Variants in KLHL1 observed in about 807,000 individuals in gnomAD.
KLHL1 encodes the protein kelch-like protein 1.
A neutral mutation model predicts 77.7 loss-of-function variants in KLHL1; 47 were observed. The observed-to-expected ratio is 0.60, with a 90% CI of 0.48 to 0.77. The LOEUF (loss-of-function observed/expected upper bound fraction) is 0.77. KLHL1 is among the 30% of genes least tolerant of loss of function. The pLI, the probability that KLHL1 is intolerant of heterozygous loss-of-function variation, is 0.00. For synonymous variants in KLHL1, 360 were observed against 325.2 expected (o/e 1.11, Z -1.15); for missense variants, 925 against 910.8 (o/e 1.02, Z -0.20).
chr13:69,817,489 C>T (rs1878166604), intron 6 of KLHL1, among the ~76,000 whole-genome samples: 1 of 152,338 alleles, frequency 6.6e-6, no homozygotes, highest in South Asian at 2.1e-4. Context: ...TTGAGATTTA[C>T]TCATTTTAAA....
chr13:70,107,816 C>T lies in KLHL1; in HGVS notation c.-117G>A. On this transcript the variant is annotated 5_prime_UTR_variant, in exon 1 of 11. Transcript: ENST00000377844. ...AAGAGGCGGGATGCGCCCTCTGCAC[C>T]CCTAGAGCCAGAAGACGCTAGGTGG... 3.9e-6 allele frequency: 3 copies of T among 760,742 alleles called. No homozygotes were observed. The highest frequency in any genetic ancestry group is 6.5e-5 in the Admixed American group (2 of 30,840). 47.1% of individuals were successfully genotyped at this position (760,742 alleles called of 1,614,324 possible).
chr13:69,797,067 A>T (rs1314142536), intron 6 of KLHL1, 105 bp from the exon 7 acceptor site: 2 of 889,054 alleles, frequency 2.2e-6, no homozygotes, highest in Non-Finnish European at 3.5e-6. Flanking sequence ...TGTCATATTC[A>T]TTTTTTTTAA....
chr13:69,887,108 T>A (rs113492130), intron 4 of KLHL1, among the ~76,000 whole-genome samples: 61 of 152,246 alleles, frequency 4.0e-4, no homozygotes, highest in African/African-American at 1.4e-3. Context: ...ATGTTTTGGG[T>A]CTAAGATTTT....
At chr13:70,033,338 G>A (rs1886153352) in intron 1 of KLHL1, among the ~76,000 whole-genome samples, 1 of 152,064 alleles carries the variant, frequency 6.6e-6, no homozygotes, top group Non-Finnish European at 1.5e-5. Context: ...CGCCCAGGCT[G>A]GAGGGCAGTG....
At chr13:69,902,031 C>T (rs1295477389) in intron 4 of KLHL1, among the ~76,000 whole-genome samples, 7 of 152,090 alleles carry the variant, frequency 4.6e-5, no homozygotes, top group African/African-American at 1.4e-4. Flanking sequence ...AACTCCCAAC[C>T]TCAGGTGATC....
chr13:69,868,351 T>A (rs951625467), intron 5 of KLHL1, among the ~76,000 whole-genome samples: 1 of 151,956 alleles, frequency 6.6e-6, no homozygotes, highest in African/African-American at 2.4e-5. Flanking sequence ...CATGGTAAAA[T>A]CATTAATGGT....
At chr13:69,756,666 A>T (rs1365933768) in intron 7 of KLHL1, among the ~76,000 whole-genome samples, 1 of 152,218 alleles carries the variant, frequency 6.6e-6, no homozygotes, top group African/African-American at 2.4e-5. Flanking sequence ...TAAATTAAGA[A>T]TCAAACTATC....
At chr13:70,012,171 A>C (rs1024724704) in intron 1 of KLHL1, among the ~76,000 whole-genome samples, 1 of 152,132 alleles carries the variant, frequency 6.6e-6, no homozygotes, top group Admixed American at 6.6e-5. Flanking sequence ...CAGCCAAATC[A>C]TATCAGGTCT....
At chr13:69,726,030 G>A (rs1873284314) in intron 8 of KLHL1, among the ~76,000 whole-genome samples, 1 of 151,948 alleles carries the variant, frequency 6.6e-6, no homozygotes, top group South Asian at 2.1e-4. Context: ...ATTTTGTCTT[G>A]TTCCCTGAAA....
chr13:69,758,205 T>C (rs1046069379), intron 7 of KLHL1, among the ~76,000 whole-genome samples: 10 of 152,076 alleles, frequency 6.6e-5, no homozygotes, highest in Non-Finnish European at 1.5e-4. Flanking sequence ...CTCTTATTAA[T>C]GATGATATAC....
chr13:70,063,713 T>C (rs1193718197), intron 1 of KLHL1, among the ~76,000 whole-genome samples: 1 of 152,116 alleles, frequency 6.6e-6, no homozygotes, highest in Non-Finnish European at 1.5e-5. Flanking sequence ...TTTATTCTAA[T>C]ATTTTTTTAA....
chr13:69,987,466 G>A (rs1316536996), intron 1 of KLHL1, among the ~76,000 whole-genome samples: 2 of 151,744 alleles, frequency 1.3e-5, no homozygotes, highest in Non-Finnish European at 2.9e-5. Flanking sequence ...CTTTTTTTCT[G>A]CCTTCCTGGT....
At chr13:69,895,072 A>G (rs780736418) in intron 4 of KLHL1, 4 of 479,612 alleles carry the variant, frequency 8.3e-6, no homozygotes, top group South Asian at 6.5e-5. Context: ...CAGATCACCC[A>G]CTTCGGATCT....
chr13:69,798,534 A>G (rs1877231836), intron 6 of KLHL1, among the ~76,000 whole-genome samples: 1 of 152,116 alleles, frequency 6.6e-6, no homozygotes, highest in African/African-American at 2.4e-5. Flanking sequence ...TTGTTAGGAT[A>G]AAAATAAATT....
intron 7 of KLHL1, among the ~76,000 whole-genome samples, chr13:69,768,737 G>A (rs1036885241): frequency 1.7e-4 from 26 of 152,064 alleles, no homozygotes; most frequent in African/African-American, 6.0e-4. Flanking sequence ...CACTGTTTAT[G>A]TTTTTATAGA....
intron 5 of KLHL1, among the ~76,000 whole-genome samples, chr13:69,874,295 A>G (rs1041182902): frequency 1.3e-5 from 2 of 151,866 alleles, no homozygotes. Context: ...CTCTTCCCTT[A>G]TCTCTCTATA....
chr13:69,813,981 A>G (rs762440800), intron 6 of KLHL1, among the ~76,000 whole-genome samples: 7 of 152,178 alleles, frequency 4.6e-5, no homozygotes, highest in Non-Finnish European at 1.0e-4. Context: ...GCATCACATT[A>G]CCTGACTTCA....
intron 5 of KLHL1, among the ~76,000 whole-genome samples, chr13:69,870,486 C>T (rs1457370879): frequency 1.3e-5 from 2 of 151,950 alleles, no homozygotes; most frequent in Non-Finnish European, 2.9e-5. Context: ...CTCTTCTTGT[C>T]CATCAAATCT....
intron 5 of KLHL1, among the ~76,000 whole-genome samples, chr13:69,843,971 T>C (rs1366833071): frequency 1.3e-5 from 2 of 151,738 alleles, no homozygotes; most frequent in Non-Finnish European, 2.9e-5. Context: ...GATTAATTAA[T>C]GATAATTTGT....
Sources: allele counts gnomAD v4.1 joint callset (sites outside exome capture counted in the v4.1 genomes callset), GRCh38; gene constraint gnomAD v4.1.1; transcripts MANE v1.5; gene names NCBI Gene and HGNC (gene_info 2026-07-23, HGNC 2026-07-21).